The following DERA variants were observed in gnomAD, a reference collection of about 807,000 sequenced individuals.
DERA encodes the protein 2-deoxy-D-ribose 5-phosphate aldolase.
A neutral mutation model predicts 41.1 loss-of-function variants in DERA; 15 were observed. The observed-to-expected ratio is 0.37, with a 90% CI of 0.24 to 0.56. The LOEUF (loss-of-function observed/expected upper bound fraction) is 0.56, where lower values mean the gene tolerates loss of function less well. DERA is among the 20% of genes least tolerant of loss of function. The probability of loss-of-function intolerance (pLI) is 0.81; values close to 1 mark genes in which losing one functional copy is unlikely to be tolerated. For synonymous variants in DERA, 139 were observed against 137.4 expected (o/e 1.01, Z -0.08); for missense variants, 396 against 403.4 (o/e 0.98, Z 0.16).
chr12:15,917,955 C>T (rs1384739923), intron 1 of DERA, among the ~76,000 whole-genome samples: 1 of 152,178 alleles, frequency 6.6e-6, no homozygotes, highest in African/African-American at 2.4e-5. Flanking sequence ...AATGTATGTA[C>T]TGTATACACA....
At chr12:16,025,294 T>A (rs1001673047) in intron 6 of DERA, among the ~76,000 whole-genome samples, 3 of 152,140 alleles carry the variant, frequency 2.0e-5, no homozygotes. Flanking sequence ...TCCTACTATA[T>A]GTTGTCTGTA....
intron 6 of DERA, among the ~76,000 whole-genome samples, chr12:16,027,751 TACA>T (rs1237728482): frequency 6.6e-6 from 1 of 152,184 alleles, no homozygotes; most frequent in Non-Finnish European, 1.5e-5. Flanking sequence ...GATCCCTTGT[TACA>T]ACAACAATAA....
At chr12:16,023,578 C>T (rs901877753) in intron 6 of DERA, among the ~76,000 whole-genome samples, 6 of 147,728 alleles carry the variant, frequency 4.1e-5, no homozygotes, top group East Asian at 2.0e-4. Context: ...CCCGGGTTCA[C>T]GCCATTCTCC....
chr12:15,925,722 G>A (rs1948277093), intron 1 of DERA, among the ~76,000 whole-genome samples: 1 of 151,874 alleles, frequency 6.6e-6, no homozygotes. Flanking sequence ...GAGGTGCAGT[G>A]CAATGGGGAG....
intron 1 of DERA, among the ~76,000 whole-genome samples, chr12:15,950,077 C>G (rs923124850): frequency 6.6e-6 from 1 of 152,046 alleles, no homozygotes; most frequent in African/African-American, 2.4e-5. Flanking sequence ...TTTCTGTTAC[C>G]AGAAAGGGGT....
At chr12:15,951,945 A>G (rs1855602464) in intron 1 of DERA, among the ~76,000 whole-genome samples, 1 of 150,370 alleles carries the variant, frequency 6.7e-6, no homozygotes, top group African/African-American at 2.5e-5. Context: ...TCTGTTGCCC[A>G]GGCTAGAGTA....
At position 16,014,661 on chromosome 12, in the gene DERA, CAG is replaced by C. The variant is rs1948968543; in HGVS notation, c.638-17878_638-17877del. ...GAAATGTGGGGTTGGAGTCTCCACACAGAGTCCCCACTGGGGCACTGCCTAGT... is the reference window on the plus strand; with the variant it reads ...GAAATGTGGGGTTGGAGTCTCCACACAGTCCCCACTGGGGCACTGCCTAGT... On this transcript the variant is annotated intron_variant, in intron 6 of 8. Coordinates refer to ENST00000428559, the MANE Select transcript of DERA (RefSeq NM_015954.4). This position sits in a 1 kb window ranked among gnomAD's most constrained non-coding sequence, Gnocchi z 5.4. 6.6e-6 allele frequency among the ~76,000 whole-genome samples: 1 copy of C among 152,200 alleles called. No individual in the cohort carries two copies. The highest frequency in any genetic ancestry group is 2.4e-5 in the African/African-American group (1 of 41,460).
In DERA at chr12:15,915,510, T is replaced by G. The variant is rs10846248; in HGVS notation, c.31+4096T>G. Among the ~76,000 whole-genome samples the G allele has an allele frequency of 0.092, 13,993 of 152,168 alleles. 2,119 individuals carry two copies. The highest frequency in any genetic ancestry group is 0.31 in the African/African-American group (12,977 of 41,446). On this transcript the variant is annotated intron_variant, in intron 1 of 8. Transcript: ENST00000428559. This position sits in a 1 kb window ranked among gnomAD's most constrained non-coding sequence, Gnocchi z 4.8. ...GTGTGTCAGTATGTTGACCAGACTG[T>G]TCTCAAACTCCTAGCCTCAAGTGAT... is the stretch of plus-strand genomic sequence containing the variant.
chr12:15,922,770 G>A lies in DERA; in HGVS notation c.31+11356G>A, dbSNP rs987419994. On this transcript the variant is annotated intron_variant, in intron 1 of 8. Transcript: ENST00000428559. The surrounding 1 kb of genome is among the most constrained non-coding windows in gnomAD (Gnocchi z 4.9). ...TTAGTTGTAGACCTGATAGCATCTA[G>A]CTGTGGAACCTTGCGGGGTGGGGAG... Among the ~76,000 whole-genome samples, 1 of 152,184 alleles carries A rather than the reference G, an allele frequency of 6.6e-6. No homozygotes were observed. The highest frequency in any genetic ancestry group is 2.4e-5 in the African/African-American group (1 of 41,446).
At chr12:16,029,120 A>G (rs1184469448) in intron 6 of DERA, among the ~76,000 whole-genome samples, 2 of 152,192 alleles carry the variant, frequency 1.3e-5, no homozygotes. Context: ...ATTTTGTTCT[A>G]AAACTAAAAG....
At position 15,988,748 on chromosome 12, in the gene DERA, C is replaced by T. The variant is rs1948782377; in HGVS notation, c.637+6312C>T. Among the ~76,000 whole-genome samples the T allele has an allele frequency of 2.0e-5, 3 of 152,244 alleles. No homozygotes were observed. In the South Asian group the frequency reaches 6.2e-4, roughly 32 times the overall value. On this transcript the variant is annotated intron_variant, in intron 6 of 8. Coordinates refer to ENST00000428559, the MANE Select transcript of DERA (RefSeq NM_015954.4). This position sits in a 1 kb window ranked among gnomAD's most constrained non-coding sequence, Gnocchi z 6.0. The stretch of plus-strand genomic sequence containing the variant: ...TCACCAGGGACCCATCCCTTCCTGC[C>T]TAGGAACCTGTCTGCCTCCCACCAC...
At chr12:15,948,596 C>T (rs1008450346) in intron 1 of DERA, among the ~76,000 whole-genome samples, 6 of 152,106 alleles carry the variant, frequency 3.9e-5, no homozygotes, top group African/African-American at 1.2e-4. Context: ...GTTAGCAATT[C>T]GTCTAATCTT....
intron 6 of DERA, among the ~76,000 whole-genome samples, chr12:16,005,123 T>C (rs1194383300): frequency 6.6e-6 from 1 of 152,124 alleles, no homozygotes; most frequent in African/African-American, 2.4e-5. Flanking sequence ...CTGGAATGAT[T>C]TGGAATACTA....
chr12:15,936,062 C>G lies in DERA; in HGVS notation c.32-20874C>G, dbSNP rs781694557. Among the ~76,000 whole-genome samples, 1 of 152,164 alleles carries G rather than the reference C, an allele frequency of 6.6e-6. No homozygotes were observed. ...CCTTATGACATGGCAGCTGGCTTCT[C>G]GAGTGATCCAAGTAGGAAGGCAAAA... On this transcript the variant is annotated intron_variant, in intron 1 of 8. Transcript: ENST00000428559. This position sits in a 1 kb window ranked among gnomAD's most constrained non-coding sequence, Gnocchi z 4.6.
Position 15,982,693 on chromosome 12 carries a change from T to C in DERA, c.637+257T>C, listed in dbSNP as rs1948741116. Among the ~76,000 whole-genome samples, 1 of 152,192 alleles carries C rather than the reference T, an allele frequency of 6.6e-6. No individual in the cohort carries two copies. The highest frequency in any genetic ancestry group is 1.5e-5 in the Non-Finnish European group (1 of 68,038). ...ATAAGGCAGTAGATGGCTCTCTTGT[T>C]AGTGAATTGCCTTCTGTTTTATTCT... On this transcript the variant is annotated intron_variant, in intron 6 of 8. Transcript: ENST00000428559. This position sits in a 1 kb window ranked among gnomAD's most constrained non-coding sequence, Gnocchi z 4.0.
At chr12:15,955,599 TAGAG>T (rs994302780) in intron 1 of DERA, among the ~76,000 whole-genome samples, 1 of 152,128 alleles carries the variant, frequency 6.6e-6, no homozygotes, top group Admixed American at 6.5e-5. Context: ...ACAAAATAAT[TAGAG>T]AGAAAAAGAA....
chr12:16,006,927 C>A (rs909263963), intron 6 of DERA, among the ~76,000 whole-genome samples: 1 of 152,224 alleles, frequency 6.6e-6, no homozygotes, highest in Non-Finnish European at 1.5e-5. Flanking sequence ...ACAGCCTTCT[C>A]AGCCAGATGG....
rs1191757535 is a variant in DERA at position 15,924,532 on chromosome 12, C to T, written c.31+13118C>T. The stretch of plus-strand genomic sequence containing the variant: ...ATAGAGATCTGTGTTTCCATCTTAG[C>T]CCTGACAAGTATGGTGTGACCTTGA... On this transcript the variant is annotated intron_variant, in intron 1 of 8. Coordinates refer to ENST00000428559, the MANE Select transcript of DERA (RefSeq NM_015954.4). The surrounding 1 kb of genome is among the most constrained non-coding windows in gnomAD (Gnocchi z 5.0). 6.6e-6 allele frequency among the ~76,000 whole-genome samples: 1 copy of T among 152,164 alleles called. No homozygotes were observed. The highest frequency in any genetic ancestry group is 1.5e-5 in the Non-Finnish European group (1 of 68,030).
Position 15,989,060 on chromosome 12 carries a change from C to CAG in DERA, c.637+6625_637+6626dup. ...GTGGGACCAGGTACTTCTGAGCCTG[C>CAG]AGGGGTAGAGGGCTTCCCAGGCTTC... On this transcript the variant is annotated intron_variant, in intron 6 of 8. Coordinates refer to ENST00000428559, the MANE Select transcript of DERA (RefSeq NM_015954.4). The surrounding 1 kb of genome is among the most constrained non-coding windows in gnomAD (Gnocchi z 5.2). Among the ~76,000 whole-genome samples, 2 of 152,312 alleles carry CAG rather than the reference C, an allele frequency of 1.3e-5. No homozygotes were observed. Among genetic ancestry groups the CAG allele is most frequent in the East Asian group, 3.9e-4 (2 of 5,174 alleles).
Sources: allele counts gnomAD v4.1 joint callset (sites outside exome capture counted in the v4.1 genomes callset), GRCh38; gene constraint gnomAD v4.1.1; non-coding constraint Gnocchi (gnomAD v3.1); transcripts MANE v1.5; gene names NCBI Gene and HGNC (gene_info 2026-07-23, HGNC 2026-07-21).